Variants in MGAT4C observed in about 807,000 individuals in gnomAD.
MGAT4C encodes the protein alpha-1,3-mannosyl-glycoprotein 4-beta-N-acetylglucosaminyltransferase C.
MGAT4C carries 19 observed loss-of-function variants against 40.1 expected under a neutral mutation model. The ratio of observed to expected loss-of-function variants is 0.47; its 90% CI spans 0.33 to 0.70. The LOEUF (loss-of-function observed/expected upper bound fraction) is 0.70. MGAT4C is among the 30% of genes least tolerant of loss of function. The pLI, the probability that MGAT4C is intolerant of heterozygous loss-of-function variation, is 0.02. For synonymous variants in MGAT4C, 181 were observed against 187.1 expected, an observed-to-expected ratio of 0.97 and a Z score of 0.27; for missense variants, 491 against 563.2, an observed-to-expected ratio of 0.87 and a Z score of 1.30.
intron 1 of MGAT4C, among the ~76,000 whole-genome samples, chr12:86,775,259 A>G (rs1384550396): frequency 1.3e-5 from 2 of 152,080 alleles, no homozygotes; most frequent in African/African-American, 2.4e-5. Flanking sequence ...TACTGAACAT[A>G]GTATAAAACT....
At chr12:86,637,225 T>C (rs1011708543) in intron 2 of MGAT4C, among the ~76,000 whole-genome samples, 2 of 152,000 alleles carry the variant, frequency 1.3e-5, no homozygotes, top group Non-Finnish European at 2.9e-5. Flanking sequence ...GATTATATAT[T>C]GAACATAAAT....
intron 1 of MGAT4C, among the ~76,000 whole-genome samples, chr12:86,197,770 C>T (rs1358097317): frequency 1.3e-5 from 2 of 152,078 alleles, no homozygotes; most frequent in African/African-American, 4.8e-5. Context: ...CTTTTTAACT[C>T]AAAAAAGTAA....
chr12:86,544,150 T>C (rs532326493), intron 2 of MGAT4C, among the ~76,000 whole-genome samples: 1 of 152,284 alleles, frequency 6.6e-6, no homozygotes, highest in South Asian at 2.1e-4. Context: ...GAGGAGAAGC[T>C]TTCCACAATG....
At chr12:86,657,630 A>G (rs890990845) in intron 2 of MGAT4C, among the ~76,000 whole-genome samples, 1 of 151,930 alleles carries the variant, frequency 6.6e-6, no homozygotes, top group Non-Finnish European at 1.5e-5. Flanking sequence ...GAAAAAAGTT[A>G]AAGAAACTTG....
At position 86,832,215 on chromosome 12, in the gene MGAT4C, C is replaced by T. The variant is rs78860458; in HGVS notation, c.-262+6451G>A. Among the ~76,000 whole-genome samples, 1,393 of 151,730 alleles carry T rather than the reference C, an allele frequency of 9.2e-3. 20 individuals carry two copies. The highest frequency in any genetic ancestry group is 0.032 in the African/African-American group (1,311 of 41,432). On this transcript the variant is annotated intron_variant, in intron 1 of 7. Coordinates refer to the MGAT4C transcript ENST00000548651. ...GCAAAGATTTCCCTCAAGCATGTCC[C>T]GCCACAAAACCATTCAAGTCTACTC...
chr12:86,639,905 T>G (rs1963330426), intron 2 of MGAT4C, among the ~76,000 whole-genome samples: 1 of 151,760 alleles, frequency 6.6e-6, no homozygotes, highest in Non-Finnish European at 1.5e-5. Flanking sequence ...TGGCTTCCTG[T>G]GCTGGCTACT....
intron 1 of MGAT4C, among the ~76,000 whole-genome samples, chr12:86,106,998 G>A (rs1277142894): frequency 6.6e-6 from 1 of 152,102 alleles, no homozygotes; most frequent in Non-Finnish European, 1.5e-5. Context: ...TGAATGAAGA[G>A]CACTCTTGTG....
At chr12:86,680,275 T>C (rs183719484) in intron 2 of MGAT4C, among the ~76,000 whole-genome samples, 3 of 152,200 alleles carry the variant, frequency 2.0e-5, no homozygotes, top group African/African-American at 7.2e-5. Flanking sequence ...TGAATTATAG[T>C]ATGTAAACTA....
intron 2 of MGAT4C, among the ~76,000 whole-genome samples, chr12:86,483,372 G>A (rs1201654751): frequency 1.3e-5 from 2 of 151,980 alleles, no homozygotes; most frequent in Non-Finnish European, 2.9e-5. Context: ...TCTTTATAGA[G>A]GCTATTATTT....
intron 2 of MGAT4C, among the ~76,000 whole-genome samples, chr12:86,021,525 G>A (rs1889728996): frequency 6.8e-6 from 1 of 147,234 alleles, no homozygotes; most frequent in Non-Finnish European, 1.5e-5. Flanking sequence ...ACTCATAGGT[G>A]GGAATTGAAC....
chr12:86,672,524 C>G (rs896521301), intron 2 of MGAT4C, among the ~76,000 whole-genome samples: 2 of 151,800 alleles, frequency 1.3e-5, no homozygotes, highest in African/African-American at 4.8e-5. Context: ...AATTGACAAA[C>G]CTTTACCCAT....
chr12:86,513,508 T>C (rs1008196967), intron 2 of MGAT4C, among the ~76,000 whole-genome samples: 7 of 152,028 alleles, frequency 4.6e-5, no homozygotes, highest in Non-Finnish European at 8.8e-5. Context: ...CAGAACAGAG[T>C]CCAAACATAA....
chr12:86,402,416 G>A (rs1019337915), intron 3 of MGAT4C, among the ~76,000 whole-genome samples: 3 of 152,030 alleles, frequency 2.0e-5, no homozygotes, highest in African/African-American at 4.8e-5. Context: ...GCAAAAGAGC[G>A]AGACTCCATT....
At chr12:86,791,587 A>G (rs949103747) in intron 1 of MGAT4C, among the ~76,000 whole-genome samples, 5 of 152,076 alleles carry the variant, frequency 3.3e-5, no homozygotes, top group Non-Finnish European at 5.9e-5. Flanking sequence ...TTTGACACAC[A>G]AATTCTAATT....
chr12:86,245,036 A>G (rs908899104), intron 1 of MGAT4C, among the ~76,000 whole-genome samples: 3 of 152,132 alleles, frequency 2.0e-5, no homozygotes, highest in Non-Finnish European at 4.4e-5. Flanking sequence ...TAGTCACAAC[A>G]CTGGTTAAGT....
At chr12:86,063,639 C>A (rs981854815) in intron 1 of MGAT4C, among the ~76,000 whole-genome samples, 5 of 151,980 alleles carry the variant, frequency 3.3e-5, no homozygotes, top group Non-Finnish European at 5.9e-5. Flanking sequence ...CATCGGTGTG[C>A]TGTATTCAGG....
At chr12:86,324,698 TG>T (rs984513635) in intron 4 of MGAT4C, among the ~76,000 whole-genome samples, 4 of 151,924 alleles carry the variant, frequency 2.6e-5, no homozygotes, top group East Asian at 1.9e-4. Context: ...AAACGAGAGT[TG>T]TTTTTTTTTT....
chr12:86,335,500 C>T (rs1222765193), intron 3 of MGAT4C, among the ~76,000 whole-genome samples: 1 of 152,038 alleles, frequency 6.6e-6, no homozygotes, highest in East Asian at 1.9e-4. Context: ...AATCCCCTCA[C>T]TAATATCCTC....
At chr12:86,763,818 C>A (rs1951448754) in intron 1 of MGAT4C, among the ~76,000 whole-genome samples, 1 of 152,096 alleles carries the variant, frequency 6.6e-6, no homozygotes, top group Non-Finnish European at 1.5e-5. Context: ...TAGATCATTT[C>A]ACCTAGGATT....
Sources: gnomAD v4.1 joint callset for allele counts (sites outside exome capture counted in the v4.1 genomes callset) on GRCh38, gnomAD v4.1.1 for gene constraint, MANE v1.5 for transcripts, NCBI Gene and HGNC (gene_info 2026-07-23, HGNC 2026-07-21) for gene names.